Variants in STK31 observed in about 807,000 individuals in gnomAD.
STK31 encodes the protein serine/threonine kinase 31.
In STK31, 89 loss-of-function variants were observed where a neutral mutation model predicts 129.7. That is an observed-to-expected ratio of 0.69 (90% CI 0.58 to 0.82). The LOEUF is 0.82. STK31 is among the 40% of genes least tolerant of loss of function. The probability of loss-of-function intolerance (pLI) is 0.00; values close to 1 mark genes in which losing one functional copy is unlikely to be tolerated. For synonymous variants in STK31, 448 were observed against 395.3 expected (o/e 1.13, Z -1.58); for missense variants, 1,187 against 1,176.4 (o/e 1.01, Z -0.13).
intron 8 of STK31, among the ~76,000 whole-genome samples, chr7:23,747,803 C>A (rs1366317883): frequency 6.6e-6 from 1 of 152,128 alleles, no homozygotes; most frequent in Non-Finnish European, 1.5e-5. Flanking sequence ...TGGATCTGTA[C>A]TGATGCCCTC....
chr7:23,769,419 C>T (rs569780963), intron 12 of STK31, among the ~76,000 whole-genome samples: 3 of 152,174 alleles, frequency 2.0e-5, no homozygotes, highest in East Asian at 3.9e-4. Flanking sequence ...TGTCCTCTTT[C>T]CTCTTTTAAC....
Position 23,762,806 on chromosome 7 carries a change from A to G in STK31, c.1299A>G (p.Glu433=), listed in dbSNP as rs1441398887. Residue 433 remains glutamate, a synonymous_variant, in exon 11 of 24, where the codon GAA becomes GAG. Coordinates refer to ENST00000355870, the MANE Select transcript of STK31 (RefSeq NM_031414.5). ...TTCTTTTTTTCTTCCTCCAGAGTGAAGGGAATATTTTGATTGCCCAAAGAA... is the reference window on the plus strand; with the variant it reads ...TTCTTTTTTTCTTCCTCCAGAGTGAGGGGAATATTTTGATTGCCCAAAGAA... The part of the protein sequence containing the change: ...ENIKTCEYVS[E]GNILIAQRNE... The G allele has an allele frequency of 6.2e-7, 1 of 1,610,214 alleles. No individual in the cohort carries two copies. The highest frequency in any genetic ancestry group is 1.3e-5 in the African/African-American group (1 of 74,800).
At chr7:23,777,800 C>G (rs1394067529) in intron 15 of STK31, among the ~76,000 whole-genome samples, 1 of 152,026 alleles carries the variant, frequency 6.6e-6, no homozygotes, top group Admixed American at 6.6e-5. Context: ...ATTTGCCAGT[C>G]CTTGTCTTTT....
chr7:23,769,552 A>G, intron 12 of STK31, 88 bp from the exon 13 acceptor site: 1 of 887,366 alleles, frequency 1.1e-6, no homozygotes, highest in Non-Finnish European at 1.8e-6. Flanking sequence ...CCCAGGGTAT[A>G]GCTTAATACT....
chr7:23,772,104 CTT>C (rs761994438), intron 14 of STK31, 41 bp from the exon 15 acceptor site: 14 of 1,407,558 alleles, frequency 9.9e-6, no homozygotes, highest in Non-Finnish European at 1.3e-5. Context: ...TCAATAAATA[CTT>C]TTCTTATGTG....
At chr7:23,713,605 T>G (rs1786111313) in intron 3 of STK31, among the ~76,000 whole-genome samples, 2 of 152,216 alleles carry the variant, frequency 1.3e-5, no homozygotes, top group Non-Finnish European at 1.5e-5. Flanking sequence ...TCTAAAGCTT[T>G]CTTCTCTTTT....
intron 10 of STK31, among the ~76,000 whole-genome samples, chr7:23,761,517 T>C (rs1177939133): frequency 6.6e-6 from 1 of 151,212 alleles, no homozygotes; most frequent in Non-Finnish European, 1.5e-5. Context: ...GCCTTCCGGG[T>C]TCGTGCCATT....
In STK31 at chr7:23,788,040, A is replaced by G. The variant is rs529113942; in HGVS notation, c.2548A>G (p.Ile850Val). Residue 850 changes from isoleucine (I) to valine (V), a missense_variant, in exon 21 of 24, where the codon ATA becomes GTA. By Grantham distance (29) the Ile-to-Val change is conservative. This residue lies in a region of STK31 where 975 missense variants were observed against 934.9 expected (regional missense o/e 1.04). Coordinates refer to ENST00000355870, the MANE Select transcript of STK31 (RefSeq NM_031414.5). The part of the protein sequence containing the change: ...QGLHTLHKAD[I>V]IHGSLHQNNV... ...TCTGCATACATTGCATAAGGCTGACATAATTCATGGATCACTTCATCAGAA... is the reference window on the plus strand; with the variant it reads ...TCTGCATACATTGCATAAGGCTGACGTAATTCATGGATCACTTCATCAGAA... 394 of 1,612,252 alleles carry G rather than the reference A, an allele frequency of 2.4e-4. 4 individuals are homozygous for G. In the South Asian group the frequency reaches 2.7e-3, roughly 11 times the overall value.
intron 8 of STK31, among the ~76,000 whole-genome samples, chr7:23,746,349 T>C (rs573153351): frequency 6.6e-6 from 1 of 152,322 alleles, no homozygotes; most frequent in South Asian, 2.1e-4. Context: ...CTTCTATGCA[T>C]TGAGGAGCCT....
intron 10 of STK31, among the ~76,000 whole-genome samples, chr7:23,760,542 T>C (rs1472015816): frequency 6.6e-6 from 1 of 152,220 alleles, no homozygotes; most frequent in Non-Finnish European, 1.5e-5. Context: ...TTTATAAACA[T>C]TTTCTTACAT....
At chr7:23,765,373 T>G (rs949757084) in intron 11 of STK31, among the ~76,000 whole-genome samples, 1 of 152,086 alleles carries the variant, frequency 6.6e-6, no homozygotes, top group African/African-American at 2.4e-5. Context: ...TTTTTAACCT[T>G]TTGTATTCAC....
At chr7:23,735,454 T>A in intron 6 of STK31, 84 bp from the exon 7 acceptor site, 2 of 1,215,690 alleles carry the variant, frequency 1.6e-6, no homozygotes, top group Non-Finnish European at 2.3e-6. Context: ...TGAAGAAATA[T>A]GATGCTTGGA....
intron 8 of STK31, among the ~76,000 whole-genome samples, chr7:23,740,652 C>G (rs529319329): frequency 1.1e-4 from 17 of 152,244 alleles, no homozygotes; most frequent in South Asian, 2.1e-4. Flanking sequence ...CCACTCCCCC[C>G]ACCCCACAAC....
chr7:23,729,204 G>C lies in STK31; in HGVS notation c.438G>C (p.Trp146Cys). The C allele has an allele frequency of 6.2e-7, 1 of 1,610,814 alleles. No individual in the cohort carries two copies. The highest frequency in any genetic ancestry group is 8.5e-7 in the Non-Finnish European group (1 of 1,179,300). ...GTGTTGCCAAAAAGTATAAACTTTGGGGACTACACATTCCTTCTGATCAAG... is the reference window on the plus strand; with the variant it reads ...GTGTTGCCAAAAAGTATAAACTTTGCGGACTACACATTCCTTCTGATCAAG... ...FSSVAKKYKLWGLHIPSDQEV... is the reference protein window; with the variant it reads ...FSSVAKKYKLCGLHIPSDQEV... The change falls in exon 6 of 24, where the codon TGG becomes TGC. Residue 146 changes from tryptophan (W) to cysteine (C), a missense_variant. By Grantham distance (215) the Trp-to-Cys change is radical. Coordinates refer to ENST00000355870, the MANE Select transcript of STK31 (RefSeq NM_031414.5).
At chr7:23,818,089 C>G (rs1793573348) in intron 23 of STK31, among the ~76,000 whole-genome samples, 2 of 151,854 alleles carry the variant, frequency 1.3e-5, no homozygotes, top group Admixed American at 1.3e-4. Context: ...TTAAATTTCC[C>G]TAATTGTCTT....
At chr7:23,774,493 ATC>A (rs1247162164) in intron 15 of STK31, among the ~76,000 whole-genome samples, 1 of 152,210 alleles carries the variant, frequency 6.6e-6, no homozygotes, top group Non-Finnish European at 1.5e-5. Context: ...ATGAGATCGT[ATC>A]TCACTGTGGT....
chr7:23,751,389 C>T (rs896050611), intron 8 of STK31, among the ~76,000 whole-genome samples: 14 of 152,098 alleles, frequency 9.2e-5, no homozygotes, highest in Middle Eastern at 3.2e-3. Context: ...TATTTTGTTA[C>T]TGATTTCTAA....
At chr7:23,828,570 A>G (rs917776324) in intron 23 of STK31, among the ~76,000 whole-genome samples, 2 of 152,178 alleles carry the variant, frequency 1.3e-5, no homozygotes, top group Admixed American at 6.5e-5. Context: ...GCCCTGCTTC[A>G]GCTCACGCAT....
At chr7:23,792,685 A>G (rs1287829836) in intron 22 of STK31, among the ~76,000 whole-genome samples, 3 of 152,140 alleles carry the variant, frequency 2.0e-5, no homozygotes, top group African/African-American at 7.2e-5. Context: ...AAATTGAAGG[A>G]CCCAAACTAC....
Sources: gnomAD v4.1 joint callset for allele counts (sites outside exome capture counted in the v4.1 genomes callset) on GRCh38, gnomAD v4.1.1 for gene constraint, gnomAD v4.1.1 regional missense constraint, MANE v1.5 for transcripts, NCBI Gene and HGNC (gene_info 2026-07-23, HGNC 2026-07-21) for gene names.